The following PTPRM variants were observed in gnomAD, a reference collection of about 807,000 sequenced individuals.
PTPRM encodes receptor-type tyrosine-protein phosphatase mu.
In PTPRM, 47 loss-of-function variants were observed where a neutral mutation model predicts 186.7. The ratio of observed to expected loss-of-function variants is 0.25; its 90% CI spans 0.20 to 0.32. The LOEUF (loss-of-function observed/expected upper bound fraction) is 0.32. PTPRM is among the 10% of genes least tolerant of loss of function. The probability of loss-of-function intolerance (pLI) is 1.00; values close to 1 mark genes in which losing one functional copy is unlikely to be tolerated. For synonymous variants in PTPRM, 668 were observed against 674.9 expected (o/e 0.99, Z 0.16); for missense variants, 1,494 against 1,865.0 (o/e 0.80, Z 3.66).
chr18:7,659,401 A>G (rs1203244037), intron 1 of PTPRM, among the ~76,000 whole-genome samples: 3 of 152,160 alleles, frequency 2.0e-5, no homozygotes, highest in East Asian at 1.9e-4. Context: ...CACACTGTCT[A>G]CAGCATCACC....
intron 1 of PTPRM, among the ~76,000 whole-genome samples, chr18:7,569,419 A>G (rs374747034): frequency 2.0e-5 from 3 of 152,212 alleles, no homozygotes; most frequent in Non-Finnish European, 4.4e-5. Context: ...ATTTAACACA[A>G]TGATGCACTG....
chr18:7,757,734 A>T lies in PTPRM; in HGVS notation c.74-16415A>T, dbSNP rs183758773. 2.1e-3 allele frequency among the ~76,000 whole-genome samples: 325 copies of T among 152,238 alleles called. 3 individuals are homozygous for T. Among genetic ancestry groups the T allele is most frequent in the African/African-American group, 7.4e-3 (307 of 41,550 alleles). On this transcript the variant is annotated intron_variant, in intron 1 of 32. Transcript: ENST00000580170. ...ATTCTGTGGCAGTGGGTCTTAATGG[A>T]TGAGTGAGCAGGAGCTTATTGGGAT...
At chr18:8,369,108 C>T (rs572384045) in intron 23 of PTPRM, among the ~76,000 whole-genome samples, 13 of 152,116 alleles carry the variant, frequency 8.5e-5, no homozygotes, top group African/African-American at 2.9e-4. Flanking sequence ...AGGAATGGTG[C>T]GAGTAGGAGT....
chr18:8,378,468 A>C, intron 27 of PTPRM, 54 bp downstream of exon 27: 1 of 1,589,056 alleles, frequency 6.3e-7, no homozygotes, highest in East Asian at 2.2e-5. Flanking sequence ...CTCAAGAAGG[A>C]TTTCAAGGTC....
intron 27 of PTPRM, 115 bp downstream of exon 27, chr18:8,378,529 T>A (rs1318409041): frequency 1.5e-6 from 2 of 1,306,394 alleles, no homozygotes; most frequent in East Asian, 4.7e-5. Flanking sequence ...TCCATAGCAC[T>A]GTTCGTATTC....
intron 14 of PTPRM, among the ~76,000 whole-genome samples, chr18:8,164,439 A>C (rs553807672): frequency 6.6e-6 from 1 of 152,368 alleles, no homozygotes; most frequent in African/African-American, 2.4e-5. Context: ...GAAAGTTAGA[A>C]GCAACCAAGT....
intron 1 of PTPRM, among the ~76,000 whole-genome samples, chr18:7,622,418 C>T (rs1267840813): frequency 6.6e-6 from 1 of 152,044 alleles, no homozygotes; most frequent in East Asian, 1.9e-4. Flanking sequence ...TACTGGGCTC[C>T]CAGGGGTCTA....
chr18:7,777,895 T>C (rs2042668666), intron 2 of PTPRM, among the ~76,000 whole-genome samples: 1 of 152,192 alleles, frequency 6.6e-6, no homozygotes, highest in African/African-American at 2.4e-5. Flanking sequence ...ATGCCTGTCA[T>C]GCTAGCACTT....
intron 7 of PTPRM, among the ~76,000 whole-genome samples, chr18:7,965,925 T>C (rs1387927845): frequency 5.3e-5 from 8 of 152,192 alleles, no homozygotes; most frequent in Admixed American, 2.6e-4. Flanking sequence ...GCCAACTTCA[T>C]CTGTAAGGAT....
rs114539811 is a variant in PTPRM, at chr18:7,707,363, G to A, written c.74-66786G>A. Among the ~76,000 whole-genome samples the A allele has an allele frequency of 3.0e-3, 450 of 152,160 alleles. 1 individual carries two copies. Among genetic ancestry groups the A allele is most frequent in the Middle Eastern group, 0.017 (5 of 294 alleles). On this transcript the variant is annotated intron_variant, in intron 1 of 32. Coordinates refer to ENST00000580170, the MANE Select transcript of PTPRM (RefSeq NM_001105244.2). ...TCTGTTTAGGGTCAGAAGCATGATG[G>A]CTCATACTTATAATAACAGCACTTT...
At chr18:8,173,944 A>G (rs1390033981) in intron 14 of PTPRM, among the ~76,000 whole-genome samples, 1 of 152,052 alleles carries the variant, frequency 6.6e-6, no homozygotes, top group Admixed American at 6.6e-5. Context: ...GGTGTCGCCC[A>G]TAATCCCAGC....
intron 11 of PTPRM, among the ~76,000 whole-genome samples, chr18:8,104,496 G>A (rs144711961): frequency 6.6e-6 from 1 of 152,308 alleles, no homozygotes; most frequent in Non-Finnish European, 1.5e-5. Flanking sequence ...CCAGGCTGGA[G>A]TGCAGTAGCA....
intron 23 of PTPRM, among the ~76,000 whole-genome samples, chr18:8,346,085 C>T (rs73382258): frequency 0.025 from 3,830 of 152,200 alleles, 174 homozygotes; most frequent in African/African-American, 0.085. Flanking sequence ...ATGTCTCTGC[C>T]GGGAGCCAGC....
intron 19 of PTPRM, among the ~76,000 whole-genome samples, chr18:8,270,760 T>C (rs2094761275): frequency 6.6e-6 from 1 of 152,116 alleles, no homozygotes; most frequent in African/African-American, 2.4e-5. Flanking sequence ...CAGAGAAAGA[T>C]AAACACTGTA....
chr18:7,743,334 T>A (rs1317615683), intron 1 of PTPRM, among the ~76,000 whole-genome samples: 1 of 152,248 alleles, frequency 6.6e-6, no homozygotes, highest in Non-Finnish European at 1.5e-5. Context: ...TCATGTTACA[T>A]ACATGAAAGT....
chr18:8,121,597 C>T (rs9958245), intron 13 of PTPRM, among the ~76,000 whole-genome samples: 3,609 of 152,192 alleles, frequency 0.024, 141 homozygotes, highest in African/African-American at 0.082. Flanking sequence ...AAAGGCAATT[C>T]GTAGTTTCTA....
chr18:8,056,639 AG>A (rs1306901435), intron 7 of PTPRM, among the ~76,000 whole-genome samples: 1 of 151,984 alleles, frequency 6.6e-6, no homozygotes, highest in Admixed American at 6.6e-5. Flanking sequence ...AAAAAAAAAA[AG>A]ATAAATGCAC....
intron 11 of PTPRM, among the ~76,000 whole-genome samples, chr18:8,097,843 T>C (rs186791864): frequency 6.6e-6 from 1 of 152,352 alleles, no homozygotes; most frequent in East Asian, 1.9e-4. Context: ...CACACAAGGT[T>C]TGACCATCAC....
At chr18:7,658,817 C>T (rs1023861895) in intron 1 of PTPRM, among the ~76,000 whole-genome samples, 2 of 152,010 alleles carry the variant, frequency 1.3e-5, no homozygotes, top group Non-Finnish European at 2.9e-5. Context: ...TTCTTTTGGC[C>T]GCTTGTTTTG....
Sources: gnomAD v4.1 joint callset for allele counts (sites outside exome capture counted in the v4.1 genomes callset) on GRCh38, gnomAD v4.1.1 for gene constraint, MANE v1.5 for transcripts, NCBI Gene and HGNC (gene_info 2026-07-23, HGNC 2026-07-21) for gene names.